ANKRD26: variants seen among roughly 807,000 people sequenced by gnomAD.
ANKRD26 encodes ankyrin repeat domain-containing protein 26.
Under a neutral mutation model 208.7 loss-of-function variants are expected in ANKRD26, and 141 were observed. The ratio of observed to expected loss-of-function variants is 0.68; its 90% CI spans 0.59 to 0.78. The LOEUF (loss-of-function observed/expected upper bound fraction) is 0.78. ANKRD26 is among the 30% of genes least tolerant of loss of function. The probability of loss-of-function intolerance (pLI) is 0.00; values close to 1 mark genes in which losing one functional copy is unlikely to be tolerated. For missense variants in ANKRD26, 1,889 were observed against 1,938.7 expected (o/e 0.97, Z 0.48); for synonymous variants, 636 against 660.4 (o/e 0.96, Z 0.57).
At chr10:26,966,560 G>T in the ANKRD26 span, among the ~76,000 whole-genome samples, 1 of 152,170 alleles carries the variant, frequency 6.6e-6, no homozygotes, top group African/African-American at 2.4e-5. Context: ...GTATACCTAT[G>T]TAACAAACTT....
At chr10:27,050,509 G>A (rs1307259646) in intron 16 of ANKRD26, among the ~76,000 whole-genome samples, 1 of 152,150 alleles carries the variant, frequency 6.6e-6, no homozygotes, top group Non-Finnish European at 1.5e-5. Context: ...TCTTTAAAGT[G>A]ATCAGAATGG....
At chr10:27,065,735 A>AG (rs1176252572) in intron 11 of ANKRD26, among the ~76,000 whole-genome samples, 1 of 149,994 alleles carries the variant, frequency 6.7e-6, no homozygotes, top group Non-Finnish European at 1.5e-5. Flanking sequence ...CAAAAAACAA[A>AG]AAAAAAAAAC....
intron 20 of ANKRD26, 123 bp downstream of exon 20, chr10:27,043,303 T>C (rs2054326433): frequency 5.7e-6 from 6 of 1,051,196 alleles, no homozygotes; most frequent in Non-Finnish European, 8.6e-6. Flanking sequence ...CTTTGCACAG[T>C]GGCAGCATCA....
At chr10:27,010,244 G>GC (rs1209388213) in intron 32 of ANKRD26, among the ~76,000 whole-genome samples, 1 of 151,996 alleles carries the variant, frequency 6.6e-6, no homozygotes, top group Admixed American at 6.6e-5. Context: ...GCAAACCAGT[G>GC]CCCCACAAAG....
chr10:27,013,794 T>C (rs1394990388), intron 31 of ANKRD26, among the ~76,000 whole-genome samples: 1 of 152,150 alleles, frequency 6.6e-6, no homozygotes, highest in Admixed American at 6.5e-5. Flanking sequence ...GAGTTGGTGA[T>C]CAAAAAGAAC....
intron 5 of ANKRD26, among the ~76,000 whole-genome samples, chr10:26,978,381 G>C (rs911745052): frequency 6.6e-6 from 1 of 152,064 alleles, no homozygotes; most frequent in African/African-American, 2.4e-5. Context: ...GTTTGAACCC[G>C]GGAGGCAGAG....
At chr10:27,036,317 T>C (rs946043371) in intron 23 of ANKRD26, among the ~76,000 whole-genome samples, 16 of 151,994 alleles carry the variant, frequency 1.1e-4, no homozygotes, top group Non-Finnish European at 2.4e-4. Context: ...AATGAACTCA[T>C]TTAGTATCAC....
In ANKRD26 at chr10:27,016,359, G is replaced by A. The variant is rs1424013670; in HGVS notation, c.4506+1143C>T. On this transcript the variant is annotated intron_variant, in intron 30 of 33. Coordinates refer to ENST00000376087, the MANE Select transcript of ANKRD26 (RefSeq NM_014915.3). ...ACCATCTTGCCTCACTGCAACCTCC[G>A]CCTCCCAGATTCAAGCAGTTCTCCT... is the stretch of plus-strand genomic sequence containing the variant. Among the ~76,000 whole-genome samples, 7 of 151,952 alleles carry A rather than the reference G, an allele frequency of 4.6e-5. No homozygotes were observed. The South Asian group carries it at 6.2e-4, about 14-fold the overall frequency.
At chr10:26,974,900 G>C (rs1345803271) in exon 6 of ANKRD26, among the ~76,000 whole-genome samples, 1 of 149,678 alleles carries the variant, frequency 6.7e-6, no homozygotes, top group Admixed American at 6.6e-5. Flanking sequence ...TTCTTTGTGG[G>C]TGATCAGTCT....
chr10:27,007,728 C>T (rs139387815), intron 32 of ANKRD26, among the ~76,000 whole-genome samples: 124 of 152,226 alleles, frequency 8.1e-4, no homozygotes, highest in African/African-American at 2.9e-3. Flanking sequence ...ATGTTCTATG[C>T]TATTTTTTGG....
chr10:27,089,892 CATTCT>C (rs71386907), intron 4 of ANKRD26, among the ~76,000 whole-genome samples: 19,503 of 152,106 alleles, frequency 0.13, 1,366 homozygotes, highest in East Asian at 0.28. Flanking sequence ...AATTCACTGC[CATTCT>C]AAAATTACCT....
intron 9 of ANKRD26, among the ~76,000 whole-genome samples, chr10:27,069,943 C>T (rs187531923): frequency 6.6e-6 from 1 of 151,746 alleles, no homozygotes; most frequent in Non-Finnish European, 1.5e-5. Context: ...TATAGCGAGA[C>T]CCCATCTCTA....
At chr10:27,016,319 C>T (rs2053290150) in intron 30 of ANKRD26, among the ~76,000 whole-genome samples, 1 of 151,978 alleles carries the variant, frequency 6.6e-6, no homozygotes, top group South Asian at 2.1e-4. Flanking sequence ...GTATTTGAGA[C>T]GGAGTCTAGC....
In ANKRD26 at chr10:27,048,895, C is replaced by A. The variant is rs2054553250; in HGVS notation, c.1720G>T (p.Asp574Tyr). Residue 574 changes from aspartate (D) to tyrosine (Y), a missense_variant, in exon 17 of 34, where the codon GAT becomes TAT. Asp to Tyr is a radical substitution (Grantham distance 160). This residue lies in a region of ANKRD26 where 1,272 missense variants were observed against 1,273.8 expected (regional missense o/e 1.00). Transcript: ENST00000376087. ...IHDGATDDAE[D>Y]DDDDDGLIQK... ...ATTAATCCATCATCATCATCATCAT[C>A]TTCAGCATCATCAGTAGCACCATCA... 6.2e-7 allele frequency: 1 copy of A among 1,612,984 alleles called. No individual in the cohort carries two copies. The highest frequency in any genetic ancestry group is 8.5e-7 in the Non-Finnish European group (1 of 1,179,536).
chr10:27,074,573 AG>A, intron 9 of ANKRD26, among the ~76,000 whole-genome samples: 1 of 152,066 alleles, frequency 6.6e-6, no homozygotes, highest in Middle Eastern at 3.4e-3. Context: ...CCTAGCTACT[AG>A]GGGGGCTGAA....
At chr10:27,099,867 G>GA (rs919761694) in intron 1 of ANKRD26, among the ~76,000 whole-genome samples, 1 of 414 alleles carries the variant, frequency 2.4e-3, no homozygotes, top group Non-Finnish European at 8.3e-3. Context: ...TGCTCTCTAA[G>GA]GGATTTCGGG....
At chr10:27,079,757 G>A (rs1291356700) in intron 6 of ANKRD26, among the ~76,000 whole-genome samples, 1 of 152,182 alleles carries the variant, frequency 6.6e-6, no homozygotes, top group African/African-American at 2.4e-5. Context: ...GGAGGCTGGG[G>A]CAAGAGAATT....
intron 5 of ANKRD26, among the ~76,000 whole-genome samples, chr10:26,994,128 A>C (rs1275152542): frequency 6.6e-6 from 1 of 152,148 alleles, no homozygotes; most frequent in Non-Finnish European, 1.5e-5. Flanking sequence ...TCTTGGGTTA[A>C]AGCTCTCCAC....
At chr10:26,981,432 TTAAGA>T (rs2052307020) in intron 4 of ANKRD26, among the ~76,000 whole-genome samples, 3 of 152,208 alleles carry the variant, frequency 2.0e-5, no homozygotes, top group East Asian at 1.9e-4. Context: ...TTTTGATTAG[TTAAGA>T]TGTCTGGTGA....
Sources: allele counts gnomAD v4.1 joint callset (sites outside exome capture counted in the v4.1 genomes callset), GRCh38; gene constraint gnomAD v4.1.1; regional missense constraint gnomAD v4.1.1; transcripts MANE v1.5; gene names NCBI Gene and HGNC (gene_info 2026-07-23, HGNC 2026-07-21).